The following WASHC2A variants were observed in gnomAD, a reference collection of about 807,000 sequenced individuals.
WASHC2A encodes WASH complex subunit 2A, also known as WASH complex subunit FAM21A.
A neutral mutation model predicts 140.3 loss-of-function variants in WASHC2A; 82 were observed. That is an observed-to-expected ratio of 0.58 (90% CI 0.49 to 0.70). The LOEUF is 0.70. Among genes scored for constraint, WASHC2A ranks in the 30% least tolerant of loss-of-function variants. WASHC2A has a pLI of 0.00. For missense variants in WASHC2A, 985 were observed against 1,521.8 expected (o/e 0.65, Z 5.87); for synonymous variants, 340 against 560.8 (o/e 0.61, Z 5.56).
At chr10:50,079,815 TAA>T (rs1226679784) in intron 4 of WASHC2A, among the ~76,000 whole-genome samples, 1 of 151,852 alleles carries the variant, frequency 6.6e-6, no homozygotes, top group Non-Finnish European at 1.5e-5. Flanking sequence ...GTACTATTTT[TAA>T]AAACTGCTAT....
intron 17 of WASHC2A, among the ~76,000 whole-genome samples, chr10:50,103,680 T>G (rs1841461719): frequency 2.0e-5 from 3 of 152,374 alleles, no homozygotes; most frequent in Admixed American, 2.0e-4. Flanking sequence ...CTGTCTAATC[T>G]TTGATTCTTT....
Position 50,121,474 on chromosome 10 carries a change from A to G in WASHC2A, c.2478+1705A>G, listed in dbSNP as rs527640794. 1.7e-4 allele frequency among the ~76,000 whole-genome samples: 26 copies of G among 149,450 alleles called. 2 individuals are homozygous for G. The highest frequency in any genetic ancestry group is 1.7e-3 in the Admixed American group (26 of 15,188). ...AATGGCACAATCTTGGCTCACTGCAACCTTTGCCTCCTGGGTTCAAGCGAT... is the reference window on the plus strand; with the variant it reads ...AATGGCACAATCTTGGCTCACTGCAGCCTTTGCCTCCTGGGTTCAAGCGAT... On this transcript the variant is annotated intron_variant, in intron 23 of 30. Transcript: ENST00000282633.
rs1843799115 is a variant in WASHC2A at position 50,130,022 on chromosome 10, A to G, written c.3691A>G (p.Thr1231Ala). 1.2e-6 allele frequency: 2 copies of G among 1,611,940 alleles called. No individual in the cohort carries two copies. The highest frequency in any genetic ancestry group is 8.5e-7 in the Non-Finnish European group (1 of 1,179,820). ...SNSQQDVILT[T>A]QDIFEDDIFA... ...TAGTCAGCAGGATGTCATATTAACA[A>G]CACAAGATATTTTTGAGGTAATAGG... The change falls in exon 29 of 31, where the codon ACA (threonine) becomes GCA (alanine). Residue 1231 changes from threonine to alanine, a missense_variant. Transcript: ENST00000282633.
intron 21 of WASHC2A, among the ~76,000 whole-genome samples, chr10:50,115,718 CT>C (rs1842618387): frequency 1.4e-5 from 2 of 143,306 alleles, no homozygotes; most frequent in African/African-American, 5.2e-5. Flanking sequence ...TGAGGTTCAG[CT>C]TTCGTTCATA....
chr10:50,110,536 C>T (rs1370713390), intron 20 of WASHC2A, among the ~76,000 whole-genome samples: 2 of 151,358 alleles, frequency 1.3e-5, no homozygotes, highest in Admixed American at 1.3e-4. Context: ...ATTTGAGTAT[C>T]TTTTGTTTGT....
chr10:50,068,409 G>A (rs1406476314), intron 2 of WASHC2A, among the ~76,000 whole-genome samples, 182 bp downstream of exon 2: 3 of 151,854 alleles, frequency 2.0e-5, no homozygotes, highest in Admixed American at 2.0e-4. Context: ...AGGGAGAGGG[G>A]CAGACACTGA....
chr10:50,067,971 G>C lies in WASHC2A; in HGVS notation c.-35G>C. The C allele has an allele frequency of 6.2e-7, 1 of 1,600,122 alleles. No homozygotes were observed. Among genetic ancestry groups the C allele is most frequent in the South Asian group, 1.1e-5 (1 of 89,702 alleles). On this transcript the variant is annotated 5_prime_UTR_variant, in exon 1 of 31. Coordinates refer to ENST00000282633, the MANE Select transcript of WASHC2A (RefSeq NM_001005751.3). ...GGCTCTGCAGTCCTCGGCGTGTGCTGGCAGCTTCGGAGCCCACCGAGCCGG... is the reference window on the plus strand; with the variant it reads ...GGCTCTGCAGTCCTCGGCGTGTGCTCGCAGCTTCGGAGCCCACCGAGCCGG...
intron 3 of WASHC2A, among the ~76,000 whole-genome samples, chr10:50,075,424 T>C (rs1262930950): frequency 3.9e-5 from 6 of 151,904 alleles, no homozygotes; most frequent in Admixed American, 2.0e-4. Flanking sequence ...TTTTTTGTTT[T>C]TGAGACAGGA....
chr10:50,072,045 AT>A (rs1837881789), intron 3 of WASHC2A, among the ~76,000 whole-genome samples: 1 of 130,292 alleles, frequency 7.7e-6, no homozygotes, highest in African/African-American at 3.0e-5. Context: ...TGTAGTTGGG[AT>A]TACAGGCTCC....
chr10:50,099,948 TCCCCACCC>T, intron 16 of WASHC2A, 22 bp from the exon 17 acceptor site: 1 of 1,249,876 alleles, frequency 8.0e-7, no homozygotes, highest in Non-Finnish European at 1.1e-6. Flanking sequence ...CTTTTTTTCT[TCCCCACCC>T]CCCCCCCCAC....
intron 19 of WASHC2A, among the ~76,000 whole-genome samples, chr10:50,109,854 C>G (rs1842121641): frequency 6.6e-6 from 1 of 152,114 alleles, no homozygotes; most frequent in Non-Finnish European, 1.5e-5. Flanking sequence ...ACTGCAAGCT[C>G]TGCCTCCTGG....
At chr10:50,078,442 T>C (rs1554878734) in intron 3 of WASHC2A, among the ~76,000 whole-genome samples, 4 of 152,312 alleles carry the variant, frequency 2.6e-5, no homozygotes, top group African/African-American at 9.6e-5. Context: ...TCATCATGTT[T>C]CCTAGTCATT....
rs781987471 is a variant in WASHC2A, at chr10:50,068,153, G to C, written c.52G>C (p.Val18Leu). ...DQELAPASEP[V>L]WERPWSVEEI... is the part of the protein sequence containing the mutation. ...GGAGCTGGCGCCAGCGTCGGAGCCCGTGTGGGAGCGGCCGTGGTCGGTGGA... is the reference window on the plus strand; with the variant it reads ...GGAGCTGGCGCCAGCGTCGGAGCCCCTGTGGGAGCGGCCGTGGTCGGTGGA... The change falls in exon 2 of 31, where the codon GTG (valine) becomes CTG (leucine). Residue 18 changes from valine to leucine, a missense_variant. Coordinates refer to ENST00000282633, the MANE Select transcript of WASHC2A (RefSeq NM_001005751.3). 5 of 1,602,288 alleles carry C rather than the reference G, an allele frequency of 3.1e-6. No homozygotes were observed. The South Asian group carries it at 5.5e-5, about 18-fold the overall frequency.
At chr10:50,103,246 T>TATTAC (rs1340899549) in intron 17 of WASHC2A, among the ~76,000 whole-genome samples, 2 of 150,680 alleles carry the variant, frequency 1.3e-5, no homozygotes, top group African/African-American at 4.9e-5. Context: ...AAAAATAAAG[T>TATTAC]TTAATTTGTA....
chr10:50,102,370 T>C (rs1199239701), intron 17 of WASHC2A, among the ~76,000 whole-genome samples: 5 of 152,208 alleles, frequency 3.3e-5, no homozygotes, highest in African/African-American at 1.2e-4. Flanking sequence ...AAGTGTCTTT[T>C]CTTGCAGTAC....
chr10:50,124,495 A>G (rs1554894269), intron 23 of WASHC2A, among the ~76,000 whole-genome samples: 1 of 152,064 alleles, frequency 6.6e-6, no homozygotes, highest in Non-Finnish European at 1.5e-5. Context: ...CAAACCAATA[A>G]TGTTGATGGT....
Position 50,110,257 on chromosome 10 carries a change from A to C in WASHC2A, c.2026A>C (p.Ile676Leu). 1 of 1,611,812 alleles carries C rather than the reference A, an allele frequency of 6.2e-7. No homozygotes were observed. The highest frequency in any genetic ancestry group is 1.7e-5 in the Admixed American group (1 of 59,988). ...EEDEEDDLFAIAKDSQKKTQR... is the reference protein window; with the variant it reads ...EEDEEDDLFALAKDSQKKTQR... ...AGACGAAGAAGATGATCTTTTTGCCATTGCCAAGGACAGGTGAGATAGTCA... is the reference window on the plus strand; with the variant it reads ...AGACGAAGAAGATGATCTTTTTGCCCTTGCCAAGGACAGGTGAGATAGTCA... The change falls in exon 20 of 31, where the codon ATT becomes CTT. Residue 676 changes from isoleucine (I) to leucine (L), a missense_variant. Transcript: ENST00000282633.
intron 4 of WASHC2A, among the ~76,000 whole-genome samples, chr10:50,080,487 T>C (rs1554879460): frequency 7.5e-6 from 1 of 133,544 alleles, no homozygotes; most frequent in Admixed American, 7.4e-5. Context: ...CTCCACACAC[T>C]AGTTGTACCT....
chr10:50,095,044 G>T (rs1840337053), intron 13 of WASHC2A, 104 bp from the exon 14 acceptor site: 2 of 1,592,784 alleles, frequency 1.3e-6, no homozygotes, highest in South Asian at 1.1e-5. Flanking sequence ...GGTTTCAAAA[G>T]GTCTGATACT....
Sources: allele counts gnomAD v4.1 joint callset (sites outside exome capture counted in the v4.1 genomes callset), GRCh38; gene constraint gnomAD v4.1.1; transcripts MANE v1.5; gene names NCBI Gene and HGNC (gene_info 2026-07-23, HGNC 2026-07-21).